Variants in CENPN observed in about 807,000 individuals in gnomAD.
The protein encoded by CENPN is centromere protein N, also known as interphase centromere complex protein 32.
In CENPN, 36 loss-of-function variants were observed where a neutral mutation model predicts 48.6. That is an observed-to-expected ratio of 0.74 (90% confidence interval 0.57 to 0.98). The LOEUF (loss-of-function observed/expected upper bound fraction) is 0.98. Among genes scored for constraint, CENPN ranks in the 50% least tolerant of loss-of-function variants. The pLI is 0.00. For missense variants in CENPN, 439 were observed against 399.2 expected (o/e 1.10, Z -0.85); for synonymous variants, 166 against 135.2 (o/e 1.23, Z -1.58).
At chr16:81,021,196 T>G (rs1414578366) in intron 6 of CENPN, among the ~76,000 whole-genome samples, 3 of 152,222 alleles carry the variant, frequency 2.0e-5, no homozygotes, top group Non-Finnish European at 4.4e-5. Flanking sequence ...AACATTATTT[T>G]CATTTGTAAC....
rs1243585488 is a variant in CENPN, at chr16:81,017,823, G to T, written c.343G>T (p.Ala115Ser). 2 of 1,544,950 alleles carry T rather than the reference G, an allele frequency of 1.3e-6. No homozygotes were observed. Among genetic ancestry groups the T allele is most frequent in the Non-Finnish European group, 1.8e-6 (2 of 1,129,856 alleles). The stretch of plus-strand genomic sequence containing the variant: ...TTCGTTCAAGAAAATTCTTCAGAGA[G>T]CATTAAAAAATGTAAGAATAAAATT... ...KNSFKKILQR[A>S]LKNVTVSFRE... Residue 115 changes from alanine to serine, a missense_variant, in exon 5 of 11, where the codon GCA (alanine) becomes TCA (serine). Physicochemically the swap from Ala to Ser is moderately conservative, Grantham distance 99. Coordinates refer to ENST00000305850, the MANE Select transcript of CENPN (RefSeq NM_001100624.3).
rs985581890 is a variant in CENPN, at chr16:81,026,177, ATGTG to A, written c.698-343_698-340del. Among the ~76,000 whole-genome samples the A allele has an allele frequency of 3.1e-4, 46 of 146,200 alleles. No individual in the cohort carries two copies. In the South Asian group the frequency reaches 4.2e-3, roughly 13 times the overall value. ...TATGTGTATATATATGTGTATATAT[ATGTG>A]TGTGTATATATATGTATATATATGT... On this transcript the variant is annotated intron_variant, in intron 8 of 10. Transcript: ENST00000305850.
At chr16:81,012,770 T>A (rs1969795130) in intron 2 of CENPN, among the ~76,000 whole-genome samples, 1 of 152,170 alleles carries the variant, frequency 6.6e-6, no homozygotes, top group African/African-American at 2.4e-5. Flanking sequence ...AATTTTTGTA[T>A]TTTCAGTAGA....
intron 4 of CENPN, 74 bp from the exon 5 acceptor site, chr16:81,017,684 G>T (rs542028973): frequency 2.0e-6 from 2 of 1,023,768 alleles, no homozygotes; most frequent in East Asian, 4.8e-5. Flanking sequence ...TAGTTTCATG[G>T]TACTTTACGA....
At chr16:81,020,394 G>A in intron 6 of CENPN, 118 bp downstream of exon 6, 2 of 1,010,886 alleles carry the variant, frequency 2.0e-6, no homozygotes, top group Non-Finnish European at 2.7e-6. Context: ...GCAGTGGCAT[G>A]TACCTGTGGT....
intron 1 of CENPN, among the ~76,000 whole-genome samples, chr16:81,008,835 ACAT>A (rs559192616): frequency 9.8e-5 from 15 of 152,340 alleles, no homozygotes; most frequent in Admixed American, 7.8e-4. Context: ...GTGAATAAAA[ACAT>A]CGTCCTGCCC....
At chr16:81,008,457 C>T (rs1039985224) in intron 1 of CENPN, among the ~76,000 whole-genome samples, 3 of 152,028 alleles carry the variant, frequency 2.0e-5, no homozygotes, top group African/African-American at 7.2e-5. Context: ...CTGCAACCTC[C>T]TCCTCCCGGA....
At chr16:81,021,931 CTAT>C (rs895476416) in intron 6 of CENPN, among the ~76,000 whole-genome samples, 25 of 151,982 alleles carry the variant, frequency 1.6e-4, no homozygotes, top group African/African-American at 6.0e-4. Flanking sequence ...ACTTATTTTT[CTAT>C]TTTTAGTGGA....
chr16:81,032,097 C>G (rs186478463), downstream of CENPN, among the ~76,000 whole-genome samples: 1 of 152,290 alleles, frequency 6.6e-6, no homozygotes, highest in East Asian at 1.9e-4. Flanking sequence ...TTGTCTTATT[C>G]TTGCCTCAAC....
At chr16:81,008,715 T>C (rs1969610918) in intron 1 of CENPN, among the ~76,000 whole-genome samples, 2 of 152,190 alleles carry the variant, frequency 1.3e-5, no homozygotes, top group African/African-American at 2.4e-5. Flanking sequence ...ACCCAGGTTG[T>C]CTCCTCAGGC....
At chr16:81,008,479 C>T (rs1409164879) in intron 1 of CENPN, among the ~76,000 whole-genome samples, 1 of 152,082 alleles carries the variant, frequency 6.6e-6, no homozygotes, top group Non-Finnish European at 1.5e-5. Flanking sequence ...TCAGGCTGTT[C>T]TCTTGCCTCA....
At chr16:81,017,525 G>A in intron 4 of CENPN, 140 bp downstream of exon 4, 1 of 692,708 alleles carries the variant, frequency 1.4e-6, no homozygotes, top group Non-Finnish European at 2.5e-6. Flanking sequence ...AAAAAAAATA[G>A]CAGTATGTTC....
At chr16:81,032,798 A>T (rs2151729209), downstream of CENPN, 1 of 1,244,168 alleles carries the variant, frequency 8.0e-7, no homozygotes, top group East Asian at 2.4e-5. Context: ...TCCTTGTTAA[A>T]ATGGACCCTT....
Position 81,028,746 on chromosome 16 carries a change from G to C in CENPN, c.*95G>C. 1.3e-6 allele frequency: 2 copies of C among 1,492,268 alleles called. No homozygotes were observed. The highest frequency in any genetic ancestry group is 2.8e-5 in the South Asian group (2 of 70,214). The allele number at this position is 1,492,268 out of a possible 1,614,324, so 92.4% of individuals were successfully genotyped here. On this transcript the variant is annotated 3_prime_UTR_variant, in exon 11 of 11. Coordinates refer to ENST00000305850, the MANE Select transcript of CENPN (RefSeq NM_001100624.3). ...CTGTATAGCTTCCGTCTGTAAACTT[G>C]TATTTTCAAGAATCCTTGGTATTGA...
chr16:81,022,086 G>T (rs185057859), intron 6 of CENPN, among the ~76,000 whole-genome samples: 166 of 152,196 alleles, frequency 1.1e-3, no homozygotes, highest in Admixed American at 2.2e-3. Flanking sequence ...GTATCTTAAG[G>T]CAAACTTGTC....
rs1416497174 is a variant in CENPN at position 81,024,759 on chromosome 16, C to A, written c.678C>A (p.Ser226Arg). The A allele has an allele frequency of 1.2e-6, 2 of 1,609,470 alleles. No individual in the cohort carries two copies. Among genetic ancestry groups the A allele is most frequent in the Non-Finnish European group, 1.7e-6 (2 of 1,176,884 alleles). Residue 226 changes from serine to arginine, a missense_variant, in exon 8 of 11, where the codon AGC (serine) becomes AGA (arginine). By Grantham distance (110) the Ser-to-Arg change is moderately radical. Coordinates refer to ENST00000305850, the MANE Select transcript of CENPN (RefSeq NM_001100624.3). ...CTACGACACCTCTACAGGAAAGAAG[C>A]CTTGGACTAGATATAAATAGTACGT... ...HNSTTPLQERSLGLDINMDSR... is the reference protein window; with the variant it reads ...HNSTTPLQERRLGLDINMDSR...
At chr16:81,010,577 C>G (rs1454886167) in intron 1 of CENPN, among the ~76,000 whole-genome samples, 1 of 152,204 alleles carries the variant, frequency 6.6e-6, no homozygotes, top group East Asian at 1.9e-4. Flanking sequence ...CAATCCACTG[C>G]ACCACTAGCT....
At chr16:81,026,700 C>G (rs1970514280) in intron 9 of CENPN, 62 bp downstream of exon 9, 2 of 777,302 alleles carry the variant, frequency 2.6e-6, no homozygotes, top group African/African-American at 3.5e-5. Flanking sequence ...GAACAAAAAC[C>G]TTAAGTGGAA....
At position 81,024,742 on chromosome 16, in the gene CENPN, CCT is replaced by C. The variant is rs772745696; in HGVS notation, c.664_665del (p.Leu222ThrfsTer18). The C allele has an allele frequency of 6.2e-7, 1 of 1,610,842 alleles. No individual in the cohort carries two copies. Among genetic ancestry groups the C allele is most frequent in the African/African-American group, 1.3e-5 (1 of 74,900 alleles). On this transcript the variant is annotated frameshift_variant, in exon 8 of 11. Coordinates refer to ENST00000305850, the MANE Select transcript of CENPN (RefSeq NM_001100624.3). LOFTEE classifies it high-confidence loss of function. ...QTFETHNSTT[P>X]LQERSLGLDI... is the part of the protein sequence containing the mutation. Reference sequence around the variant, plus strand: ...CTTTGAAACTCACAACTCTACGACACCTCTACAGGAAAGAAGCCTTGGACTAG... The same window carrying C: ...CTTTGAAACTCACAACTCTACGACACCTACAGGAAAGAAGCCTTGGACTAG...
Sources: allele counts gnomAD v4.1 joint callset (sites outside exome capture counted in the v4.1 genomes callset), GRCh38; gene constraint gnomAD v4.1.1; transcripts MANE v1.5; gene names NCBI Gene and HGNC (gene_info 2026-07-23, HGNC 2026-07-21).